Variants in CHD1L observed in about 807,000 individuals in gnomAD.
The protein encoded by CHD1L is ATP-dependent chromatin remodeler CHD1L.
In CHD1L, 118 loss-of-function variants were observed where a neutral mutation model predicts 115.9. That is an observed-to-expected ratio of 1.02 (90% CI 0.88 to 1.19). The LOEUF (loss-of-function observed/expected upper bound fraction) is 1.19. CHD1L is among the 50% of genes most tolerant of loss of function. The pLI, the probability that CHD1L is intolerant of heterozygous loss-of-function variation, is 0.00. For synonymous variants in CHD1L, 411 were observed against 387.1 expected, an observed-to-expected ratio of 1.06 and a Z score of -0.72; for missense variants, 1,179 against 1,065.3, an observed-to-expected ratio of 1.11 and a Z score of -1.49.
Position 147,286,420 on chromosome 1 carries a change from C to T in CHD1L, c.2141C>T (p.Ala714Val). The change falls in exon 18 of 23, where the codon GCT (alanine) becomes GTT (valine). Residue 714 changes from alanine (A) to valine (V), a missense_variant. By Grantham distance (64) the Ala-to-Val change is moderately conservative (BLOSUM62 0). Transcript: ENST00000369258. ...GAGCTGGATTACCAAGACCCAGATG[C>T]TACTTCCCTCAAGTACGTTAGTGGT... ...SAELDYQDPD[A>V]TSLKYVSGDV... The T allele has an allele frequency of 6.2e-7, 1 of 1,614,176 alleles. No homozygotes were observed. Among genetic ancestry groups the T allele is most frequent in the South Asian group, 1.1e-5 (1 of 91,090 alleles).
At chr1:147,280,873 C>T (rs1323424825) in intron 15 of CHD1L, among the ~76,000 whole-genome samples, 1 of 152,130 alleles carries the variant, frequency 6.6e-6, no homozygotes, top group African/African-American at 2.4e-5. Context: ...AGCAGAGATT[C>T]AATATGGACT....
the CHD1L span, chr1:147,179,469 A>T: frequency 6.3e-7 from 1 of 1,578,964 alleles, no homozygotes; most frequent in Non-Finnish European, 8.7e-7. Context: ...TTTTCCTACC[A>T]TATACTTCTC....
intron 2 of CHD1L, among the ~76,000 whole-genome samples, chr1:147,254,330 G>C (rs1411510831): frequency 1.4e-5 from 2 of 144,926 alleles, no homozygotes; most frequent in African/African-American, 2.4e-5. Context: ...CTGGAGCATA[G>C]GACAGTGCCT....
At chr1:147,206,996 T>C in the CHD1L span, among the ~76,000 whole-genome samples, 1 of 151,822 alleles carries the variant, frequency 6.6e-6, no homozygotes, top group African/African-American at 2.4e-5. Flanking sequence ...AATGGTGTGA[T>C]TGATTACCTG....
the CHD1L span, chr1:147,213,162 C>A: frequency 1.5e-6 from 1 of 679,950 alleles, no homozygotes; most frequent in East Asian, 3.1e-5. Context: ...ACAAGTTACC[C>A]CAACATCCTT....
At chr1:147,252,793 A>G in intron 2 of CHD1L, 58 bp downstream of exon 2, 1 of 1,355,716 alleles carries the variant, frequency 7.4e-7, no homozygotes, top group Admixed American at 1.8e-5. Context: ...CTTATAACTC[A>G]TTCTGGAGCT....
At chr1:147,242,652 T>G (rs587737312), upstream of CHD1L, 12 of 1,255,838 alleles carry the variant, frequency 9.6e-6, no homozygotes, top group Admixed American at 1.5e-4. Context: ...CGTTGGGAAG[T>G]TGGGAGGGAG....
At chr1:147,235,980 T>C in the CHD1L span, among the ~76,000 whole-genome samples, 1 of 152,172 alleles carries the variant, frequency 6.6e-6, no homozygotes, top group African/African-American at 2.4e-5. Context: ...GCTACCAGCC[T>C]GGATCCCATG....
At chr1:147,278,437 C>A (rs34074264) in intron 14 of CHD1L, among the ~76,000 whole-genome samples, 150,128 of 151,026 alleles carry the variant, frequency 0.99, 74,622 homozygotes, top group Middle Eastern at 1. Flanking sequence ...GTTGGCCAGA[C>A]TGGTCTTGAT....
At chr1:147,247,290 C>T (rs587702599) in intron 1 of CHD1L, among the ~76,000 whole-genome samples, 1 of 151,826 alleles carries the variant, frequency 6.6e-6, no homozygotes, top group East Asian at 1.9e-4. Flanking sequence ...AATTTGATCC[C>T]CAGTGTTGGA....
intron 22 of CHD1L, 98 bp from the exon 23 acceptor site, chr1:147,295,333 T>C: frequency 1.2e-6 from 1 of 804,308 alleles, no homozygotes. Context: ...AGCATACTAC[T>C]TCTAGAACAG....
the CHD1L span, chr1:147,174,966 T>A: frequency 1.3e-5 from 2 of 152,124 alleles, no homozygotes; most frequent in Non-Finnish European, 1.5e-5. Context: ...ATGCAAGCCT[T>A]TACACACACT....
chr1:147,243,358 A>T (rs1300665158), intron 1 of CHD1L, among the ~76,000 whole-genome samples: 1 of 152,114 alleles, frequency 6.6e-6, no homozygotes, highest in East Asian at 1.9e-4. Context: ...GGACAAACTC[A>T]AGCAAAGCAC....
At chr1:147,229,133 A>G in the CHD1L span, among the ~76,000 whole-genome samples, 14 of 152,062 alleles carry the variant, frequency 9.2e-5, no homozygotes, top group Admixed American at 2.6e-4. Context: ...TAGGGTTTTT[A>G]TGGTTTTAGG....
the CHD1L span, among the ~76,000 whole-genome samples, chr1:147,217,683 T>C: frequency 6.6e-6 from 1 of 152,248 alleles, no homozygotes; most frequent in Non-Finnish European, 1.5e-5. Context: ...AAGACTCCTT[T>C]GAAGTCTCTT....
rs1669931031 is a variant in CHD1L, at chr1:147,255,835, G to A, written c.370G>A (p.Val124Ile). 1 of 1,613,062 alleles carries A rather than the reference G, an allele frequency of 6.2e-7. No individual in the cohort carries two copies. Among genetic ancestry groups the A allele is most frequent in the African/African-American group, 1.3e-5 (1 of 74,846 alleles). Residue 124 changes from valine to isoleucine, a missense_variant, in exon 4 of 23, where the codon GTA becomes ATA. Val to Ile is a conservative substitution (Grantham distance 29, BLOSUM62 3). Coordinates refer to ENST00000369258, the MANE Select transcript of CHD1L (RefSeq NM_004284.6). ...CAGATTTGCTCCAGGTCTTTCCTGT[G>A]TAACATATGCAGGCGACAAGGAGGA... ...MQRFAPGLSCVTYAGDKEERA... is the reference protein window; with the variant it reads ...MQRFAPGLSCITYAGDKEERA...
rs1372508809 is a variant in CHD1L, at chr1:147,259,901, C to G, written c.559C>G (p.His187Asp). ...GTTGAAAAACCAAAGCTCCCTGCTGCATAAGACCTTGTCAGAGGTAAACTT... is the reference window on the plus strand; with the variant it reads ...GTTGAAAAACCAAAGCTCCCTGCTGGATAAGACCTTGTCAGAGGTAAACTT... Reference protein sequence around the residue: ...HRLKNQSSLLHKTLSEFSVVF... With the variant: ...HRLKNQSSLLDKTLSEFSVVF... Residue 187 changes from histidine to aspartate, a missense_variant, in exon 6 of 23, where the codon CAT becomes GAT. By Grantham distance (81) the His-to-Asp change is moderately conservative. Transcript: ENST00000369258. 1.9e-6 allele frequency: 3 copies of G among 1,613,376 alleles called. No homozygotes were observed. In the Admixed American group the frequency reaches 5.0e-5, roughly 27 times the overall value.
At chr1:147,293,288 G>A (rs1686264205) in intron 20 of CHD1L, among the ~76,000 whole-genome samples, 1 of 148,298 alleles carries the variant, frequency 6.7e-6, no homozygotes, top group Admixed American at 6.8e-5. Flanking sequence ...TCTTTTCCAT[G>A]CCTACAATTC....
intron 20 of CHD1L, among the ~76,000 whole-genome samples, chr1:147,292,779 C>T (rs2103020637): frequency 6.6e-6 from 1 of 152,242 alleles, no homozygotes; most frequent in African/African-American, 2.4e-5. Context: ...TGTGAACTAC[C>T]AGAGCAAGAA....
Sources: gnomAD v4.1 joint callset for allele counts (sites outside exome capture counted in the v4.1 genomes callset) on GRCh38, gnomAD v4.1.1 for gene constraint, MANE v1.5 for transcripts, NCBI Gene and HGNC (gene_info 2026-07-23, HGNC 2026-07-21) for gene names.